Variants in CTNNA3 observed in about 807,000 individuals in gnomAD.
The protein encoded by CTNNA3 is catenin alpha-3.
Under a neutral mutation model 95.7 loss-of-function variants are expected in CTNNA3, and 76 were observed. The observed-to-expected ratio is 0.79, with a 90% confidence interval of 0.66 to 0.96. CTNNA3 has a LOEUF of 0.96. Among genes scored for constraint, CTNNA3 ranks in the 40% least tolerant of loss-of-function variants. The pLI, the probability that CTNNA3 is intolerant of heterozygous loss-of-function variation, is 0.00. For missense variants in CTNNA3, 1,191 were observed against 1,089.8 expected (o/e 1.09, Z -1.31); for synonymous variants, 431 against 374.4 (o/e 1.15, Z -1.74).
At chr10:66,371,998 G>C (rs1448852677) in intron 12 of CTNNA3, among the ~76,000 whole-genome samples, 2 of 152,166 alleles carry the variant, frequency 1.3e-5, no homozygotes, top group Non-Finnish European at 2.9e-5. Context: ...ATAATGTTAT[G>C]ATACTGTTAG....
At chr10:66,896,094 T>A (rs527706857) in intron 7 of CTNNA3, among the ~76,000 whole-genome samples, 1 of 151,776 alleles carries the variant, frequency 6.6e-6, no homozygotes, top group South Asian at 2.1e-4. Flanking sequence ...TTAAACTTCA[T>A]CTCAAAAAAA....
chr10:66,787,135 T>A (rs1172038044), intron 7 of CTNNA3, among the ~76,000 whole-genome samples: 2 of 152,204 alleles, frequency 1.3e-5, no homozygotes, highest in Non-Finnish European at 2.9e-5. Flanking sequence ...AGGCGATTCC[T>A]ACTCCTAACT....
chr10:66,443,614 CTG>C (rs2093392700), intron 11 of CTNNA3, among the ~76,000 whole-genome samples: 2 of 152,274 alleles, frequency 1.3e-5, no homozygotes, highest in South Asian at 4.2e-4. Flanking sequence ...TCTGAGGGTC[CTG>C]TCTGTTAGAA....
At chr10:67,062,044 C>G (rs559486532) in intron 7 of CTNNA3, among the ~76,000 whole-genome samples, 2 of 152,052 alleles carry the variant, frequency 1.3e-5, no homozygotes, top group African/African-American at 4.8e-5. Flanking sequence ...CATTGAAGAA[C>G]AGATAGGAAG....
intron 15 of CTNNA3, among the ~76,000 whole-genome samples, chr10:66,002,380 A>G (rs1216371673): frequency 6.6e-6 from 1 of 152,206 alleles, no homozygotes. Context: ...TTGAGTAATT[A>G]GTATCCTGAA....
intron 5 of CTNNA3, among the ~76,000 whole-genome samples, chr10:67,468,163 T>G (rs1293674798): frequency 1.3e-5 from 2 of 152,096 alleles, no homozygotes; most frequent in Non-Finnish European, 2.9e-5. Flanking sequence ...GTGTTTTTCT[T>G]GATCCTCTCC....
intron 5 of CTNNA3, among the ~76,000 whole-genome samples, chr10:67,359,263 C>G (rs1195839277): frequency 2.1e-5 from 3 of 143,370 alleles, no homozygotes; most frequent in South Asian, 2.2e-4. Context: ...AAGAAAGAAA[C>G]AAAGAAACAC....
At chr10:67,748,982 G>T (rs1156829241) in intron 1 of CTNNA3, among the ~76,000 whole-genome samples, 12 of 152,212 alleles carry the variant, frequency 7.9e-5, no homozygotes, top group African/African-American at 2.9e-4. Context: ...AATGGAAAGT[G>T]AAACAAAAGC....
At chr10:67,148,232 A>G (rs1235436753) in intron 7 of CTNNA3, among the ~76,000 whole-genome samples, 1 of 152,230 alleles carries the variant, frequency 6.6e-6, no homozygotes, top group Non-Finnish European at 1.5e-5. Flanking sequence ...ATAAACTGCC[A>G]TTCTCATTGC....
chr10:65,929,646 G>T (rs891011388), intron 17 of CTNNA3, among the ~76,000 whole-genome samples: 1 of 149,996 alleles, frequency 6.7e-6, no homozygotes, highest in African/African-American at 2.5e-5. Flanking sequence ...TCGGCTCACT[G>T]CAACCTCCAC....
chr10:67,656,836 G>T (rs776862739), intron 1 of CTNNA3, among the ~76,000 whole-genome samples: 1 of 152,160 alleles, frequency 6.6e-6, no homozygotes, highest in Non-Finnish European at 1.5e-5. Context: ...GCTACAAAGA[G>T]CATAGTAAGA....
At chr10:67,715,595 T>C (rs915595451) in intron 1 of CTNNA3, among the ~76,000 whole-genome samples, 2 of 152,162 alleles carry the variant, frequency 1.3e-5, no homozygotes, top group Non-Finnish European at 2.9e-5. Flanking sequence ...TTACTCTATG[T>C]TACGGTGTGA....
At chr10:67,103,387 G>A (rs1041804600) in intron 7 of CTNNA3, among the ~76,000 whole-genome samples, 1 of 151,650 alleles carries the variant, frequency 6.6e-6, no homozygotes, top group Non-Finnish European at 1.5e-5. Flanking sequence ...TAACTCTTTC[G>A]AGAGGCATAT....
At chr10:66,299,374 A>G (rs988757063) in intron 12 of CTNNA3, among the ~76,000 whole-genome samples, 2 of 152,208 alleles carry the variant, frequency 1.3e-5, no homozygotes, top group African/African-American at 2.4e-5. Context: ...AAATTGTACC[A>G]TGGGGGTAGA....
At chr10:67,307,060 T>A (rs1840583622) in intron 5 of CTNNA3, among the ~76,000 whole-genome samples, 1 of 152,212 alleles carries the variant, frequency 6.6e-6, no homozygotes, top group Non-Finnish European at 1.5e-5. Flanking sequence ...GACTGCAGGT[T>A]CTGGAAACAA....
intron 5 of CTNNA3, among the ~76,000 whole-genome samples, chr10:67,491,481 T>C (rs1470571320): frequency 6.6e-6 from 1 of 152,150 alleles, no homozygotes; most frequent in African/African-American, 2.4e-5. Flanking sequence ...TTAGGAGCCA[T>C]CACATATGCA....
At chr10:67,554,122 G>A (rs910576369) in intron 3 of CTNNA3, among the ~76,000 whole-genome samples, 2 of 152,152 alleles carry the variant, frequency 1.3e-5, no homozygotes, top group Admixed American at 1.3e-4. Context: ...GTATTCCATG[G>A]GGTATATGTG....
At chr10:67,292,451 C>A in intron 5 of CTNNA3, among the ~76,000 whole-genome samples, 1 of 152,040 alleles carries the variant, frequency 6.6e-6, no homozygotes, top group East Asian at 1.9e-4. Context: ...CAATTCTCCA[C>A]AATTTCATGT....
At chr10:66,116,907 G>C (rs1047071010) in intron 13 of CTNNA3, among the ~76,000 whole-genome samples, 1 of 152,138 alleles carries the variant, frequency 6.6e-6, no homozygotes, top group Admixed American at 6.6e-5. Flanking sequence ...AGAACAGCAA[G>C]GGGGAAGTCC....
Sources: allele counts gnomAD v4.1 joint callset (sites outside exome capture counted in the v4.1 genomes callset), GRCh38; gene constraint gnomAD v4.1.1; transcripts MANE v1.5; gene names NCBI Gene and HGNC (gene_info 2026-07-23, HGNC 2026-07-21).